EBF2: variants seen among roughly 807,000 people sequenced by gnomAD.
EBF2 encodes EBF transcription factor 2.
Under a neutral mutation model 72.8 loss-of-function variants are expected in EBF2, and 21 were observed. That is an observed-to-expected ratio of 0.29 (90% CI 0.20 to 0.42). EBF2 has a LOEUF of 0.42. EBF2 is among the 10% of genes least tolerant of loss of function. The pLI, the probability that EBF2 is intolerant of heterozygous loss-of-function variation, is 1.00. For missense variants in EBF2, 637 were observed against 731.2 expected (o/e 0.87, Z 1.49); for synonymous variants, 299 against 274.2 (o/e 1.09, Z -0.89).
At chr8:25,947,161 T>C (rs1803784190) in intron 6 of EBF2, among the ~76,000 whole-genome samples, 1 of 152,164 alleles carries the variant, frequency 6.6e-6, no homozygotes, top group South Asian at 2.1e-4. Flanking sequence ...GCTTCCATAA[T>C]CCTCATGTGT....
At chr8:25,920,161 C>A (rs1372445857) in intron 6 of EBF2, among the ~76,000 whole-genome samples, 1 of 152,116 alleles carries the variant, frequency 6.6e-6, no homozygotes, top group African/African-American at 2.4e-5. Context: ...CACAAAGGGT[C>A]ATGGAAATCT....
intron 6 of EBF2, among the ~76,000 whole-genome samples, chr8:26,016,212 G>C (rs373953136): frequency 1.3e-5 from 2 of 152,128 alleles, no homozygotes; most frequent in Admixed American, 1.3e-4. Context: ...ATAGAGCAGC[G>C]ATTCATTCAT....
intron 6 of EBF2, among the ~76,000 whole-genome samples, chr8:25,975,594 AT>A (rs899488176): frequency 4.9e-4 from 74 of 152,274 alleles, no homozygotes; most frequent in African/African-American, 1.7e-3. Flanking sequence ...GCCTGATTTC[AT>A]TTTCAGTTTT....
At chr8:25,956,783 C>A (rs1374153538) in intron 6 of EBF2, among the ~76,000 whole-genome samples, 1 of 152,176 alleles carries the variant, frequency 6.6e-6, no homozygotes, top group Non-Finnish European at 1.5e-5. Context: ...ACCATCCACT[C>A]CTCACCTAAT....
chr8:26,029,121 A>G (rs1280340607), intron 6 of EBF2, among the ~76,000 whole-genome samples: 1 of 152,234 alleles, frequency 6.6e-6, no homozygotes, highest in Non-Finnish European at 1.5e-5. Context: ...TCCTTAATGG[A>G]GGATCCCCTA....
At chr8:26,001,237 TG>T (rs1460968539) in intron 6 of EBF2, among the ~76,000 whole-genome samples, 1 of 152,114 alleles carries the variant, frequency 6.6e-6, no homozygotes, top group East Asian at 1.9e-4. Flanking sequence ...ACATACAGTC[TG>T]TGTCTTATAA....
chr8:25,951,558 T>C (rs1273328707), intron 6 of EBF2, among the ~76,000 whole-genome samples: 1 of 152,178 alleles, frequency 6.6e-6, no homozygotes. Flanking sequence ...AACTCAGTGC[T>C]CCAACCCTTT....
At chr8:25,910,817 G>A (rs913778030) in intron 6 of EBF2, among the ~76,000 whole-genome samples, 3 of 152,116 alleles carry the variant, frequency 2.0e-5, no homozygotes, top group Admixed American at 6.5e-5. Context: ...TAAGTGGGAG[G>A]AGGAAGAGGG....
chr8:26,040,468 C>A, intron 4 of EBF2, 148 bp downstream of exon 4: 1 of 706,272 alleles, frequency 1.4e-6, no homozygotes, highest in Non-Finnish European at 2.3e-6. Context: ...TCTTCCCTAG[C>A]AGACAAGGTG....
chr8:25,890,828 A>G (rs1452627273), intron 7 of EBF2, among the ~76,000 whole-genome samples: 1 of 152,244 alleles, frequency 6.6e-6, no homozygotes, highest in African/African-American at 2.4e-5. Context: ...AAATATTCCA[A>G]AACCCGAAAT....
intron 6 of EBF2, among the ~76,000 whole-genome samples, chr8:25,998,390 C>G (rs912041624): frequency 1.3e-5 from 2 of 152,142 alleles, no homozygotes. Flanking sequence ...CAATCTTTCT[C>G]GCACTATTTC....
chr8:25,942,586 C>T (rs900335787), intron 6 of EBF2, among the ~76,000 whole-genome samples: 1 of 152,230 alleles, frequency 6.6e-6, no homozygotes, highest in African/African-American at 2.4e-5. Flanking sequence ...CCCCAGCCCC[C>T]TCCTCAGGCG....
At position 25,984,789 on chromosome 8, in the gene EBF2, G is replaced by C. The variant is rs374429998; in HGVS notation, c.551+48296C>G. ...TATCTACATTTTGGGAACAGCCCAA[G>C]GTTTTTGCTTCCAGTGGAGGCCTTG... On this transcript the variant is annotated intron_variant, in intron 6 of 15. Coordinates refer to ENST00000520164, the MANE Select transcript of EBF2 (RefSeq NM_022659.4). Among the ~76,000 whole-genome samples, 51 of 152,236 alleles carry C rather than the reference G, an allele frequency of 3.4e-4. 1 individual carries two copies. In the South Asian group the frequency reaches 8.5e-3, roughly 25 times the overall value.
rs1394563725 is a variant in EBF2, at chr8:25,862,700, G to C, written c.1098+9C>G. The C allele has an allele frequency of 6.3e-7, 1 of 1,579,282 alleles. No individual in the cohort carries two copies. The highest frequency in any genetic ancestry group is 8.6e-7 in the Non-Finnish European group (1 of 1,161,510). On this transcript the variant is annotated intron_variant, in intron 11 of 15. Coordinates refer to ENST00000520164, the MANE Select transcript of EBF2 (RefSeq NM_022659.4). Reference sequence around the variant, plus strand: ...ATGGCTTCACATGTCAATTTCCAAAGCACATTACCTTAGCTAATCTCTCAG... The same window carrying C: ...ATGGCTTCACATGTCAATTTCCAAACCACATTACCTTAGCTAATCTCTCAG...
In EBF2 at chr8:25,919,424, G is replaced by A. The variant is rs551353571; in HGVS notation, c.552-10869C>T. 3.2e-4 allele frequency among the ~76,000 whole-genome samples: 48 copies of A among 152,252 alleles called. No individual in the cohort carries two copies. In the South Asian group the frequency reaches 9.8e-3, roughly 31 times the overall value. On this transcript the variant is annotated intron_variant, in intron 6 of 15. Coordinates refer to ENST00000520164, the MANE Select transcript of EBF2 (RefSeq NM_022659.4). ...TTTTAGAGCAAATAGAGAGCTCCCT[G>A]GCCCTTCCACTCAGCAAAGTCACTA...
chr8:26,044,074 T>C lies in EBF2; in HGVS notation c.131+655A>G, dbSNP rs972137627. On this transcript the variant is annotated intron_variant, in intron 1 of 15. Transcript: ENST00000520164. This position sits in a 1 kb window ranked among gnomAD's most constrained non-coding sequence, Gnocchi z 4.1. ...TTCTACTGTGACTCAGTATTTTCTC[T>C]TCTTTTAAATCTCTTCTTTTCTCCA... Among the ~76,000 whole-genome samples, 3 of 152,228 alleles carry C rather than the reference T, an allele frequency of 2.0e-5. No individual in the cohort carries two copies. Among genetic ancestry groups the C allele is most frequent in the African/African-American group, 7.2e-5 (3 of 41,466 alleles).
At chr8:25,857,704 G>A (rs1802123165) in intron 14 of EBF2, among the ~76,000 whole-genome samples, 1 of 152,196 alleles carries the variant, frequency 6.6e-6, no homozygotes, top group African/African-American at 2.4e-5. Context: ...TTAAGATGAA[G>A]AGGTTCTGTC....
intron 6 of EBF2, among the ~76,000 whole-genome samples, chr8:26,028,373 C>T (rs1805337440): frequency 2.0e-5 from 3 of 152,138 alleles, no homozygotes; most frequent in Non-Finnish European, 2.9e-5. Flanking sequence ...GGATATTTAG[C>T]GTGTGAGAAA....
At chr8:25,961,465 G>T (rs1033829564) in intron 6 of EBF2, among the ~76,000 whole-genome samples, 8 of 152,086 alleles carry the variant, frequency 5.3e-5, no homozygotes, top group African/African-American at 1.9e-4. Context: ...CCAAGTTCAA[G>T]CAATTACCTG....
Sources: gnomAD v4.1 joint callset for allele counts (sites outside exome capture counted in the v4.1 genomes callset) on GRCh38, gnomAD v4.1.1 for gene constraint, Gnocchi (gnomAD v3.1) non-coding constraint, MANE v1.5 for transcripts, NCBI Gene and HGNC (gene_info 2026-07-23, HGNC 2026-07-21) for gene names.